Variants in SLC30A8 observed in about 807,000 individuals in gnomAD.
The protein encoded by SLC30A8 is solute carrier family 30 member 8, also known as proton-coupled zinc antiporter SLC30A8.
In SLC30A8, 27 loss-of-function variants were observed where a neutral mutation model predicts 36.9. The observed-to-expected ratio is 0.73, with a 90% CI of 0.54 to 1.01. The LOEUF is 1.01. SLC30A8 is among the 50% of genes least tolerant of loss of function. The pLI is 0.00. For missense variants in SLC30A8, 439 were observed against 452.0 expected (o/e 0.97, Z 0.26); for synonymous variants, 164 against 172.4 (o/e 0.95, Z 0.38).
intron 1 of SLC30A8, among the ~76,000 whole-genome samples, chr8:116,984,544 C>T (rs1815378070): frequency 1.3e-5 from 2 of 152,066 alleles, no homozygotes; most frequent in South Asian, 4.1e-4. Flanking sequence ...TTTTAATTTG[C>T]ATGTGATGTT....
At chr8:117,137,605 C>A (rs778737073) in intron 1 of SLC30A8, among the ~76,000 whole-genome samples, 22 of 152,010 alleles carry the variant, frequency 1.4e-4, no homozygotes, top group Non-Finnish European at 2.5e-4. Context: ...GATGGCTTCA[C>A]TCACATGACT....
At chr8:117,080,062 G>GAACTCAGA (rs1475399072) in intron 2 of SLC30A8, among the ~76,000 whole-genome samples, 2 of 152,200 alleles carry the variant, frequency 1.3e-5, no homozygotes, top group Non-Finnish European at 2.9e-5. Flanking sequence ...GACAAGGAGC[G>GAACTCAGA]AACTCAGAAT....
chr8:117,110,685 A>G (rs758451163), intron 2 of SLC30A8, among the ~76,000 whole-genome samples: 23 of 152,186 alleles, frequency 1.5e-4, no homozygotes, highest in Admixed American at 2.6e-4. Flanking sequence ...GCTAGAAGTG[A>G]GTGACAGTGA....
chr8:117,073,017 G>A (rs1818378879), intron 2 of SLC30A8, among the ~76,000 whole-genome samples: 1 of 152,068 alleles, frequency 6.6e-6, no homozygotes, highest in Non-Finnish European at 1.5e-5. Context: ...TGATGTGAGA[G>A]TAGTGTTGTG....
chr8:117,136,668 A>C (rs117871919), intron 1 of SLC30A8, among the ~76,000 whole-genome samples: 3,609 of 152,112 alleles, frequency 0.024, 68 homozygotes, highest in Non-Finnish European at 0.037. Context: ...CATAAAAAAC[A>C]AAGCCTTGTG....
At chr8:117,047,668 G>A (rs559335118) in intron 2 of SLC30A8, among the ~76,000 whole-genome samples, 109 of 152,192 alleles carry the variant, frequency 7.2e-4, no homozygotes, top group African/African-American at 2.5e-3. Flanking sequence ...GGGTCATTTC[G>A]TCAGAGGCGT....
chr8:117,095,651 C>T (rs1387881799), intron 2 of SLC30A8, among the ~76,000 whole-genome samples: 1 of 152,086 alleles, frequency 6.6e-6, no homozygotes, highest in African/African-American at 2.4e-5. Flanking sequence ...GTCAAAGCCT[C>T]CCGATAAAGC....
Position 117,153,046 on chromosome 8 carries a change from C to G in SLC30A8, c.374C>G (p.Ser125Trp). The G allele has an allele frequency of 1.2e-6, 2 of 1,613,074 alleles. No individual in the cohort carries two copies. Among genetic ancestry groups the G allele is most frequent in the South Asian group, 2.2e-5 (2 of 90,912 alleles). ...LLSLFSLWLS[S>W]KPPSKRLTFG... is the part of the protein sequence containing the mutation. ...AGTCTCTTCTCCCTGTGGTTGTCAT[C>G]GAAGCCTCCCTCTAAGCGGCTGACA... Residue 125 changes from serine (S) to tryptophan (W), a missense_variant, in exon 3 of 8, where the codon TCG becomes TGG. Physicochemically the swap from Ser to Trp is radical, Grantham distance 177. Coordinates refer to ENST00000456015, the MANE Select transcript of SLC30A8 (RefSeq NM_173851.3).
In SLC30A8 at chr8:117,164,933, G is replaced by A. The variant is rs142063976; in HGVS notation, c.829+1403G>A. On this transcript the variant is annotated intron_variant, in intron 6 of 7. Transcript: ENST00000456015. ...AATAACCCTCACTGCAAAGAAATCC[G>A]TCCTTATGCCTAAAGCTTACTGCCT... Among the ~76,000 whole-genome samples, 156 of 152,174 alleles carry A rather than the reference G, an allele frequency of 1.0e-3. 2 individuals are homozygous for A. In the South Asian group the frequency reaches 0.023, roughly 22 times the overall value.
At chr8:116,960,530 G>T (rs183048669) in intron 1 of SLC30A8, among the ~76,000 whole-genome samples, 2 of 152,154 alleles carry the variant, frequency 1.3e-5, no homozygotes, top group African/African-American at 2.4e-5. Context: ...GTAAGTATTC[G>T]TAATCAGAGA....
At chr8:117,068,646 G>A (rs535453186) in intron 2 of SLC30A8, among the ~76,000 whole-genome samples, 9 of 151,598 alleles carry the variant, frequency 5.9e-5, no homozygotes, top group South Asian at 2.1e-4. Flanking sequence ...GTGTGATCTC[G>A]GCTCACTGAA....
At chr8:117,101,583 A>C (rs1563597513) in intron 2 of SLC30A8, among the ~76,000 whole-genome samples, 2 of 152,208 alleles carry the variant, frequency 1.3e-5, no homozygotes, top group Non-Finnish European at 2.9e-5. Flanking sequence ...TGAAGGGTGC[A>C]AAGTATTGTA....
At chr8:117,086,299 G>A (rs1249764469) in intron 2 of SLC30A8, among the ~76,000 whole-genome samples, 1 of 152,138 alleles carries the variant, frequency 6.6e-6, no homozygotes, top group Non-Finnish European at 1.5e-5. Flanking sequence ...AAGTACACTA[G>A]TTCTTAGGCA....
At chr8:116,960,402 A>C (rs1004528222) in intron 1 of SLC30A8, among the ~76,000 whole-genome samples, 1 of 152,252 alleles carries the variant, frequency 6.6e-6, no homozygotes, top group Non-Finnish European at 1.5e-5. Context: ...GATGTTAATC[A>C]TGAAATTTTT....
chr8:117,052,402 T>C (rs1817738587), intron 2 of SLC30A8, among the ~76,000 whole-genome samples: 2 of 152,250 alleles, frequency 1.3e-5, no homozygotes, highest in Non-Finnish European at 2.9e-5. Flanking sequence ...TCTAGGCATT[T>C]ATTAGATGAA....
chr8:117,013,520 G>T (rs979228437), intron 1 of SLC30A8, among the ~76,000 whole-genome samples: 11 of 152,078 alleles, frequency 7.2e-5, no homozygotes, highest in Non-Finnish European at 1.3e-4. Flanking sequence ...AAGTAAAAAA[G>T]AAAATAAAAT....
chr8:116,980,744 C>A (rs1815222748), intron 1 of SLC30A8, among the ~76,000 whole-genome samples: 1 of 152,190 alleles, frequency 6.6e-6, no homozygotes, highest in Non-Finnish European at 1.5e-5. Flanking sequence ...ACACCCCCAT[C>A]GAAAGGCAAC....
At chr8:117,063,622 C>G (rs575189628) in intron 2 of SLC30A8, among the ~76,000 whole-genome samples, 5 of 152,166 alleles carry the variant, frequency 3.3e-5, no homozygotes, top group Non-Finnish European at 7.3e-5. Flanking sequence ...GTCCTGTTCC[C>G]TGGCAACCGT....
Position 117,172,975 on chromosome 8 carries a change from T to G in SLC30A8, c.*294T>G, listed in dbSNP as rs923804757. ...GTTTGTAACTATCGGCAATACCAAA[T>G]TCATCTCCCTTCCAATAATGCATCT... On this transcript the variant is annotated 3_prime_UTR_variant, in exon 8 of 8. Transcript: ENST00000456015. 3.1e-6 allele frequency: 1 copy of G among 319,898 alleles called. No homozygotes were observed. The highest frequency in any genetic ancestry group is 5.7e-6 in the Non-Finnish European group (1 of 174,642). 19.8% of individuals were successfully genotyped at this position (319,898 alleles called of 1,614,324 possible). A position where few individuals can be genotyped will look rare whatever the true frequency, so the allele number is the denominator to read the frequency against.
Sources: gnomAD v4.1 joint callset for allele counts (sites outside exome capture counted in the v4.1 genomes callset) on GRCh38, gnomAD v4.1.1 for gene constraint, MANE v1.5 for transcripts, NCBI Gene and HGNC (gene_info 2026-07-23, HGNC 2026-07-21) for gene names.